ARHGAP18: variants seen among roughly 807,000 people sequenced by gnomAD.
ARHGAP18 encodes the protein rho GTPase-activating protein 18.
A neutral mutation model predicts 86.2 loss-of-function variants in ARHGAP18; 67 were observed. The observed-to-expected ratio is 0.78, with a 90% confidence interval of 0.64 to 0.95. The LOEUF is 0.95. Ranked by LOEUF, ARHGAP18 falls within the 40% of genes least tolerant of loss-of-function variation. The pLI is 0.00. For missense variants in ARHGAP18, 691 were observed against 780.4 expected, an observed-to-expected ratio of 0.89 and a Z score of 1.37; for synonymous variants, 283 against 280.4, an observed-to-expected ratio of 1.01 and a Z score of -0.09.
chr6:129,599,585 T>C (rs1788695123), intron 11 of ARHGAP18, among the ~76,000 whole-genome samples: 1 of 152,166 alleles, frequency 6.6e-6, no homozygotes, highest in Non-Finnish European at 1.5e-5. Context: ...CCACCCACTG[T>C]GGAAGGTTCC....
intron 1 of ARHGAP18, among the ~76,000 whole-genome samples, chr6:129,673,238 A>G (rs1476171170): frequency 6.6e-6 from 1 of 152,082 alleles, no homozygotes; most frequent in Non-Finnish European, 1.5e-5. Context: ...TTCATACTAC[A>G]TGGAAATTAA....
chr6:129,637,821 G>A (rs1562704479), intron 3 of ARHGAP18, among the ~76,000 whole-genome samples: 2 of 152,136 alleles, frequency 1.3e-5, no homozygotes, highest in African/African-American at 2.4e-5. Flanking sequence ...GATTCTGGGG[G>A]CTGCCCAATT....
At chr6:129,652,689 A>G (rs996976629) in intron 1 of ARHGAP18, among the ~76,000 whole-genome samples, 2 of 152,220 alleles carry the variant, frequency 1.3e-5, no homozygotes, top group Non-Finnish European at 1.5e-5. Flanking sequence ...GGGATCCAAG[A>G]AAAGTATTTA....
chr6:129,669,023 G>A (rs1318925424), intron 1 of ARHGAP18, among the ~76,000 whole-genome samples: 2 of 152,036 alleles, frequency 1.3e-5, no homozygotes, highest in African/African-American at 2.4e-5. Context: ...TCACATAAAG[G>A]GCCAAATAGG....
chr6:129,592,219 C>T (rs578005741), intron 12 of ARHGAP18, among the ~76,000 whole-genome samples: 7 of 152,182 alleles, frequency 4.6e-5, no homozygotes, highest in African/African-American at 1.7e-4. Flanking sequence ...CAAGTAAATC[C>T]AGCCACTATT....
At chr6:129,663,763 A>G (rs1485500390) in intron 1 of ARHGAP18, among the ~76,000 whole-genome samples, 1 of 152,254 alleles carries the variant, frequency 6.6e-6, no homozygotes, top group Non-Finnish European at 1.5e-5. Flanking sequence ...TCTTTTGGCT[A>G]AAGAACAATT....
At chr6:129,677,717 T>C (rs1041455142) in intron 1 of ARHGAP18, among the ~76,000 whole-genome samples, 3 of 152,200 alleles carry the variant, frequency 2.0e-5, no homozygotes, top group East Asian at 1.9e-4. Flanking sequence ...AATTCTGTTA[T>C]CATTAAGGTA....
chr6:129,636,352 G>A (rs1476516305), intron 3 of ARHGAP18, among the ~76,000 whole-genome samples: 1 of 152,180 alleles, frequency 6.6e-6, no homozygotes, highest in Admixed American at 6.5e-5. Context: ...GCAAAAGAGT[G>A]TCTACATGAC....
intron 6 of ARHGAP18, among the ~76,000 whole-genome samples, chr6:129,618,051 T>C (rs532582509): frequency 2.6e-5 from 4 of 151,902 alleles, no homozygotes; most frequent in Admixed American, 2.6e-4. Context: ...ATCTGTTCTC[T>C]ATTATATCAT....
chr6:129,670,619 C>G lies in ARHGAP18; in HGVS notation c.114-28601G>C, dbSNP rs1015613441. 4.6e-5 allele frequency among the ~76,000 whole-genome samples: 7 copies of G among 152,042 alleles called. No homozygotes were observed. The East Asian group carries it at 1.4e-3, about 29-fold the overall frequency. The stretch of plus-strand genomic sequence containing the variant: ...GACAGTTAAATTATTTGAAAAGTCT[C>G]TTATACCACCTACTTCGCATCAAAA... On this transcript the variant is annotated intron_variant, in intron 1 of 14. Transcript: ENST00000368149.
intron 1 of ARHGAP18, among the ~76,000 whole-genome samples, chr6:129,668,403 CACACACA>C (rs1774083414): frequency 2.7e-5 from 4 of 148,694 alleles, no homozygotes; most frequent in Non-Finnish European, 6.0e-5. Flanking sequence ...CACACACAGA[CACACACA>C]CCATTAAAAA....
At chr6:129,627,085 T>C (rs925425043) in intron 5 of ARHGAP18, among the ~76,000 whole-genome samples, 1 of 152,114 alleles carries the variant, frequency 6.6e-6, no homozygotes, top group African/African-American at 2.4e-5. Flanking sequence ...TTGTCCAGGA[T>C]CACATCAAAT....
rs554988387 is a variant in ARHGAP18 at position 129,698,566 on chromosome 6, G to A, written c.113+11458C>T. Reference sequence around the variant, plus strand: ...TTTTTTTTTGGGTTGGGAGGGGAACGTAGTCTTGCTCTTTCACCCAGGCTG... The same window carrying A: ...TTTTTTTTTGGGTTGGGAGGGGAACATAGTCTTGCTCTTTCACCCAGGCTG... On this transcript the variant is annotated intron_variant, in intron 1 of 14. Transcript: ENST00000368149. Among the ~76,000 whole-genome samples the A allele has an allele frequency of 1.7e-4, 26 of 149,942 alleles. 2 individuals carry two copies. The highest frequency in any genetic ancestry group is 5.1e-4 in the African/African-American group (21 of 40,780).
At chr6:129,684,695 T>A (rs1774396742) in intron 1 of ARHGAP18, among the ~76,000 whole-genome samples, 1 of 152,222 alleles carries the variant, frequency 6.6e-6, no homozygotes, top group South Asian at 2.1e-4. Context: ...ATGGGAATCA[T>A]CGTAGTTGGC....
chr6:129,672,811 C>A (rs1028153807), intron 1 of ARHGAP18, among the ~76,000 whole-genome samples: 24 of 152,216 alleles, frequency 1.6e-4, no homozygotes, highest in Admixed American at 6.5e-5. Context: ...AAATCTGGTT[C>A]TTGTTAATAT....
intron 5 of ARHGAP18, 54 bp from the exon 6 acceptor site, chr6:129,618,906 T>C: frequency 2.0e-6 from 3 of 1,488,944 alleles, no homozygotes; most frequent in Non-Finnish European, 2.7e-6. Flanking sequence ...ACCTCCATTG[T>C]AATGCAGGAA....
chr6:129,633,268 A>T (rs1446992559), intron 4 of ARHGAP18, among the ~76,000 whole-genome samples: 11 of 28,814 alleles, frequency 3.8e-4, no homozygotes, highest in African/African-American at 2.9e-3. Context: ...TCTCTACTTA[A>T]AAAAAAAAAA....
intron 5 of ARHGAP18, among the ~76,000 whole-genome samples, chr6:129,629,054 G>C (rs565780544): frequency 3.3e-5 from 5 of 151,940 alleles, no homozygotes; most frequent in African/African-American, 1.2e-4. Context: ...CAACTTTTCC[G>C]TGGGTTCTAC....
At chr6:129,645,136 G>A (rs1446438524) in intron 1 of ARHGAP18, among the ~76,000 whole-genome samples, 2 of 152,066 alleles carry the variant, frequency 1.3e-5, no homozygotes, top group South Asian at 2.1e-4. Context: ...AACCTGCCAC[G>A]TATTTTTTAA....
Sources: allele counts gnomAD v4.1 joint callset (sites outside exome capture counted in the v4.1 genomes callset), GRCh38; gene constraint gnomAD v4.1.1; transcripts MANE v1.5; gene names NCBI Gene and HGNC (gene_info 2026-07-23, HGNC 2026-07-21).